EYS: variants seen among roughly 807,000 people sequenced by gnomAD.
The protein encoded by EYS is protein eyes shut homolog.
Under a neutral mutation model 282.1 loss-of-function variants are expected in EYS, and 250 were observed. The ratio of observed to expected loss-of-function variants is 0.89; its 90% CI spans 0.80 to 0.98. The LOEUF is 0.98. EYS is among the 50% of genes least tolerant of loss of function. EYS has a pLI of 0.00. For synonymous variants in EYS, 1,355 were observed against 1,282.9 expected (o/e 1.06, Z -1.20); for missense variants, 4,016 against 3,709.0 (o/e 1.08, Z -2.15).
chr6:65,638,549 T>C (rs1017207024), intron 2 of EYS, among the ~76,000 whole-genome samples: 3 of 152,190 alleles, frequency 2.0e-5, no homozygotes, highest in African/African-American at 7.2e-5. Context: ...AGCTTCTGGG[T>C]GCCACCGCAG....
intron 2 of EYS, among the ~76,000 whole-genome samples, chr6:65,508,988 C>A (rs557550600): frequency 6.6e-6 from 1 of 152,264 alleles, no homozygotes; most frequent in Admixed American, 6.5e-5. Flanking sequence ...CAGTGTAGCT[C>A]CGGGGAGATT....
At chr6:64,932,104 T>G (rs1768745337) in intron 15 of EYS, among the ~76,000 whole-genome samples, 1 of 152,102 alleles carries the variant, frequency 6.6e-6, no homozygotes, top group Non-Finnish European at 1.5e-5. Flanking sequence ...GAAAAATGAT[T>G]GAATCTCATA....
At chr6:65,227,141 A>G (rs1453840172) in intron 12 of EYS, among the ~76,000 whole-genome samples, 1 of 150,808 alleles carries the variant, frequency 6.6e-6, no homozygotes, top group Non-Finnish European at 1.5e-5. Context: ...GCTGAGGGGA[A>G]AAACAACAAC....
At chr6:64,059,662 A>T (rs1771097047) in intron 33 of EYS, among the ~76,000 whole-genome samples, 1 of 152,352 alleles carries the variant, frequency 6.6e-6, no homozygotes, top group East Asian at 1.9e-4. Flanking sequence ...TTACCAACTT[A>T]CAGATTCATA....
At chr6:65,258,197 G>A (rs184685426) in intron 12 of EYS, among the ~76,000 whole-genome samples, 7 of 151,964 alleles carry the variant, frequency 4.6e-5, no homozygotes, top group Admixed American at 4.6e-4. Context: ...ATATTAACAT[G>A]GATATCATTT....
intron 22 of EYS, among the ~76,000 whole-genome samples, chr6:64,770,137 A>G (rs1041884839): frequency 2.6e-5 from 4 of 151,940 alleles, no homozygotes; most frequent in African/African-American, 9.7e-5. Flanking sequence ...CTTATTAGCA[A>G]GGAGTAGGAA....
At chr6:64,542,702 A>G (rs1413655304) in intron 26 of EYS, among the ~76,000 whole-genome samples, 2 of 152,086 alleles carry the variant, frequency 1.3e-5, no homozygotes, top group African/African-American at 4.8e-5. Context: ...TTAATAATTA[A>G]TTGTCTGATG....
chr6:63,907,346 C>T (rs932483091), intron 35 of EYS, among the ~76,000 whole-genome samples: 3 of 152,178 alleles, frequency 2.0e-5, no homozygotes, highest in East Asian at 1.9e-4. Context: ...AGTGTAGACA[C>T]ATGGCTGTGG....
intron 29 of EYS, among the ~76,000 whole-genome samples, chr6:64,311,458 C>T (rs1769698143): frequency 6.6e-6 from 1 of 152,142 alleles, no homozygotes; most frequent in South Asian, 2.1e-4. Flanking sequence ...TAATCCAGGA[C>T]AAATAACTCC....
intron 14 of EYS, among the ~76,000 whole-genome samples, chr6:64,955,300 C>G (rs9453130): frequency 6.6e-6 from 1 of 151,252 alleles, no homozygotes; most frequent in Non-Finnish European, 1.5e-5. Context: ...TGAAAATATA[C>G]GACACTGATG....
intron 12 of EYS, among the ~76,000 whole-genome samples, chr6:65,242,692 C>G (rs1767085457): frequency 6.6e-6 from 1 of 151,966 alleles, no homozygotes; most frequent in Non-Finnish European, 1.5e-5. Flanking sequence ...GAGGACTTGC[C>G]AAAATAGTTT....
intron 12 of EYS, among the ~76,000 whole-genome samples, chr6:65,121,184 C>T (rs997192942): frequency 2.0e-5 from 3 of 152,044 alleles, no homozygotes; most frequent in Admixed American, 6.5e-5. Context: ...CTGAGCAATT[C>T]GTTTCATGTG....
chr6:64,849,654 G>A (rs919923164), intron 19 of EYS, among the ~76,000 whole-genome samples: 1 of 151,894 alleles, frequency 6.6e-6, no homozygotes, highest in Non-Finnish European at 1.5e-5. Flanking sequence ...GCTCTGGGGA[G>A]GAATTTTTTA....
intron 2 of EYS, among the ~76,000 whole-genome samples, chr6:65,628,372 A>G (rs554995381): frequency 6.6e-6 from 1 of 152,280 alleles, no homozygotes; most frequent in Non-Finnish European, 1.5e-5. Context: ...CTGACAAAAG[A>G]GGCCACTCGG....
chr6:64,938,224 A>G (rs192228142), intron 15 of EYS, among the ~76,000 whole-genome samples: 3 of 151,720 alleles, frequency 2.0e-5, no homozygotes, highest in Non-Finnish European at 4.4e-5. Context: ...TTCTCTACGA[A>G]TCTACTAAAT....
chr6:64,081,266 C>T (rs1355331957), intron 32 of EYS, among the ~76,000 whole-genome samples: 2 of 152,116 alleles, frequency 1.3e-5, no homozygotes, highest in Non-Finnish European at 2.9e-5. Flanking sequence ...TGGTAATACA[C>T]CTTAGTGATG....
At chr6:65,403,705 G>T (rs1279620301) in intron 6 of EYS, among the ~76,000 whole-genome samples, 3 of 151,742 alleles carry the variant, frequency 2.0e-5, no homozygotes, top group Non-Finnish European at 2.9e-5. Context: ...ATATTAAATA[G>T]AGAATATAAA....
intron 5 of EYS, among the ~76,000 whole-genome samples, chr6:65,422,942 C>T (rs551347778): frequency 1.3e-5 from 2 of 151,684 alleles, no homozygotes; most frequent in South Asian, 2.1e-4. Flanking sequence ...TTAAAATTAC[C>T]TAAATTCTGT....
At chr6:65,234,432 T>C (rs531643532) in intron 12 of EYS, among the ~76,000 whole-genome samples, 1 of 152,326 alleles carries the variant, frequency 6.6e-6, no homozygotes, top group South Asian at 2.1e-4. Context: ...AGGAGGAACT[T>C]CTTCTCTACC....
Sources: gnomAD v4.1 joint callset for allele counts (sites outside exome capture counted in the v4.1 genomes callset) on GRCh38, gnomAD v4.1.1 for gene constraint, MANE v1.5 for transcripts, NCBI Gene and HGNC (gene_info 2026-07-23, HGNC 2026-07-21) for gene names.